FARS2: variants seen among roughly 807,000 people sequenced by gnomAD.
FARS2 encodes phenylalanyl-tRNA synthetase 2, mitochondrial.
A neutral mutation model predicts 46.4 loss-of-function variants in FARS2; 40 were observed. The observed-to-expected ratio is 0.86, with a 90% CI of 0.67 to 1.12. The LOEUF is 1.12. Among genes scored for constraint, FARS2 ranks in the 50% most tolerant of loss-of-function variants. The pLI is 0.00. For missense variants in FARS2, 513 were observed against 567.9 expected (o/e 0.90, Z 0.98); for synonymous variants, 234 against 214.9 (o/e 1.09, Z -0.78).
intron 4 of FARS2, among the ~76,000 whole-genome samples, chr6:5,540,977 G>C (rs988081391): frequency 1.3e-5 from 2 of 152,132 alleles, no homozygotes; most frequent in African/African-American, 4.8e-5. Flanking sequence ...AGGGGCCTTT[G>C]GTGCTGTTGT....
intron 6 of FARS2, among the ~76,000 whole-genome samples, chr6:5,730,306 A>G (rs1260292721): frequency 6.6e-6 from 1 of 152,198 alleles, no homozygotes; most frequent in Non-Finnish European, 1.5e-5. Flanking sequence ...TTGATTGAGG[A>G]TAGAGGAGAT....
chr6:5,481,659 T>A (rs1426578263), intron 4 of FARS2, among the ~76,000 whole-genome samples: 1 of 152,210 alleles, frequency 6.6e-6, no homozygotes, highest in Non-Finnish European at 1.5e-5. Context: ...ATTTATTGCT[T>A]GCATTTGGCA....
intron 5 of FARS2, among the ~76,000 whole-genome samples, chr6:5,547,571 T>G (rs1228556984): frequency 6.6e-6 from 1 of 152,232 alleles, no homozygotes; most frequent in Non-Finnish European, 1.5e-5. Context: ...CAGCAGAGTT[T>G]GGGATCTAAC....
intron 1 of FARS2, among the ~76,000 whole-genome samples, chr6:5,322,282 T>A (rs1770033238): frequency 6.6e-6 from 1 of 152,242 alleles, no homozygotes; most frequent in African/African-American, 2.4e-5. Flanking sequence ...TGTAAAATGA[T>A]TTTAATAACA....
At chr6:5,506,922 T>G (rs1768135370) in intron 4 of FARS2, among the ~76,000 whole-genome samples, 1 of 152,232 alleles carries the variant, frequency 6.6e-6, no homozygotes, top group South Asian at 2.1e-4. Context: ...AACCATATAT[T>G]TAAAGACTGC....
chr6:5,673,071 G>GC (rs1778562006), intron 6 of FARS2, among the ~76,000 whole-genome samples: 1 of 152,148 alleles, frequency 6.6e-6, no homozygotes, highest in Admixed American at 6.5e-5. Context: ...CCAACCAAGA[G>GC]CCCCCCAACA....
intron 1 of FARS2, among the ~76,000 whole-genome samples, chr6:5,319,619 C>T (rs1361831020): frequency 2.0e-5 from 3 of 152,184 alleles, no homozygotes; most frequent in Non-Finnish European, 4.4e-5. Flanking sequence ...TCCTTCTGTT[C>T]CTGCTCTGAA....
intron 6 of FARS2, among the ~76,000 whole-genome samples, chr6:5,640,787 A>G (rs552373584): frequency 5.6e-4 from 86 of 152,338 alleles, no homozygotes; most frequent in African/African-American, 1.8e-3. Context: ...ATTTCTGTAA[A>G]CTAATGAGAA....
At chr6:5,770,768 T>C (rs9504510) in intron 6 of FARS2, among the ~76,000 whole-genome samples, 2 of 152,184 alleles carry the variant, frequency 1.3e-5, no homozygotes, top group African/African-American at 4.8e-5. Flanking sequence ...ATACACGGCA[T>C]ATATGGCCTG....
intron 4 of FARS2, among the ~76,000 whole-genome samples, chr6:5,534,470 T>A (rs1480606354): frequency 1.3e-5 from 2 of 152,208 alleles, no homozygotes; most frequent in African/African-American, 4.8e-5. Flanking sequence ...TAGTAACCTC[T>A]AATCTGCTTA....
At chr6:5,623,506 G>A (rs559408695) in intron 6 of FARS2, among the ~76,000 whole-genome samples, 31 of 152,312 alleles carry the variant, frequency 2.0e-4, no homozygotes, top group Admixed American at 3.9e-4. Context: ...GAGGTCAGGA[G>A]TTTGAGACCA....
intron 5 of FARS2, among the ~76,000 whole-genome samples, chr6:5,560,126 T>C (rs1179233942): frequency 2.6e-5 from 4 of 152,166 alleles, no homozygotes; most frequent in Admixed American, 6.5e-5. Flanking sequence ...TGAACTATGG[T>C]GATATAAAAT....
At chr6:5,646,402 T>G (rs1451626014) in intron 6 of FARS2, among the ~76,000 whole-genome samples, 2 of 152,172 alleles carry the variant, frequency 1.3e-5, no homozygotes, top group Non-Finnish European at 2.9e-5. Flanking sequence ...GCTTCCTACC[T>G]GTGCAGTGAG....
At chr6:5,762,448 T>A (rs533953957) in intron 6 of FARS2, among the ~76,000 whole-genome samples, 1 of 152,100 alleles carries the variant, frequency 6.6e-6, no homozygotes, top group Non-Finnish European at 1.5e-5. Context: ...TACACACGCA[T>A]GCAAGGACCA....
intron 4 of FARS2, among the ~76,000 whole-genome samples, chr6:5,501,860 A>G (rs1767821355): frequency 6.6e-6 from 1 of 152,216 alleles, no homozygotes; most frequent in East Asian, 1.9e-4. Context: ...AATGGGCTTG[A>G]TAGACCTTTG....
intron 1 of FARS2, among the ~76,000 whole-genome samples, chr6:5,303,509 G>T (rs1768472134): frequency 6.6e-6 from 1 of 152,044 alleles, no homozygotes; most frequent in Admixed American, 6.5e-5. Context: ...TCATCCTTGT[G>T]TCAGCTCGGG....
intron 4 of FARS2, among the ~76,000 whole-genome samples, chr6:5,440,171 A>G (rs72817717): frequency 0.13 from 19,476 of 152,216 alleles, 1,401 homozygotes; most frequent in Middle Eastern, 0.17. Context: ...CATAAAATAG[A>G]TTCTTTATAA....
intron 5 of FARS2, among the ~76,000 whole-genome samples, chr6:5,593,736 C>A (rs913833213): frequency 1.3e-5 from 2 of 152,118 alleles, no homozygotes; most frequent in African/African-American, 4.8e-5. Context: ...ATGTTTCATT[C>A]GATTTTATTC....
At chr6:5,426,691 T>TTA (rs1762873460) in intron 3 of FARS2, among the ~76,000 whole-genome samples, 1 of 152,188 alleles carries the variant, frequency 6.6e-6, no homozygotes, top group Non-Finnish European at 1.5e-5. Flanking sequence ...AGTGGCGCAA[T>TTA]CTTGGCTCAC....
Sources: allele counts gnomAD v4.1 joint callset (sites outside exome capture counted in the v4.1 genomes callset), GRCh38; gene constraint gnomAD v4.1.1; transcripts MANE v1.5; gene names NCBI Gene and HGNC (gene_info 2026-07-23, HGNC 2026-07-21).